The following GANC variants were observed in gnomAD, a reference collection of about 807,000 sequenced individuals.
GANC encodes neutral alpha-glucosidase C.
A neutral mutation model predicts 124.2 loss-of-function variants in GANC; 117 were observed. The ratio of observed to expected loss-of-function variants is 0.94; its 90% CI spans 0.81 to 1.10. GANC has a LOEUF of 1.10. GANC is among the 50% of genes least tolerant of loss of function. The probability of loss-of-function intolerance (pLI) is 0.00; values close to 1 mark genes in which losing one functional copy is unlikely to be tolerated. For missense variants in GANC, 1,140 were observed against 1,095.0 expected (o/e 1.04, Z -0.58); for synonymous variants, 377 against 376.8 (o/e 1.00, Z -0.01).
intron 22 of GANC, among the ~76,000 whole-genome samples, chr15:42,350,745 G>A (rs1034731718): frequency 1.7e-4 from 25 of 150,444 alleles, no homozygotes; most frequent in Non-Finnish European, 2.7e-4. Flanking sequence ...TAGTAGAGAC[G>A]GGGTTTCGTC....
chr15:42,278,452 A>T (rs375661685), intron 2 of GANC, 30 bp from the exon 3 acceptor site: 15 of 1,396,082 alleles, frequency 1.1e-5, no homozygotes, highest in Non-Finnish European at 1.4e-5. Flanking sequence ...ACAAATAATT[A>T]TCAAGCATCT....
At chr15:42,295,639 G>GAC (rs60220273) in intron 5 of GANC, among the ~76,000 whole-genome samples, 2,165 of 137,656 alleles carry the variant, frequency 0.016, 61 homozygotes, top group African/African-American at 0.053. Flanking sequence ...CTTTATTATA[G>GAC]ACACACACAC....
intron 15 of GANC, among the ~76,000 whole-genome samples, chr15:42,337,684 CAT>C (rs1446880593): frequency 6.6e-6 from 1 of 152,192 alleles, no homozygotes; most frequent in Non-Finnish European, 1.5e-5. Context: ...AGTTTACCAA[CAT>C]AACACACCTG....
chr15:42,342,693 G>T (rs923541505), intron 18 of GANC, among the ~76,000 whole-genome samples: 7 of 152,130 alleles, frequency 4.6e-5, no homozygotes, highest in African/African-American at 1.4e-4. Flanking sequence ...TAATAGTTGT[G>T]GGCTCCCCAT....
chr15:42,301,353 T>C (rs1037063769), intron 6 of GANC, among the ~76,000 whole-genome samples: 6 of 151,962 alleles, frequency 3.9e-5, no homozygotes, highest in African/African-American at 1.2e-4. Flanking sequence ...TCTCCCATGG[T>C]CTTGGTAACC....
chr15:42,347,661 T>C (rs1308243363), intron 20 of GANC, among the ~76,000 whole-genome samples: 2 of 152,202 alleles, frequency 1.3e-5, no homozygotes, highest in Non-Finnish European at 2.9e-5. Context: ...CCATCAGTTA[T>C]ACATACACAC....
At chr15:42,323,194 T>G (rs2052174650) in intron 11 of GANC, among the ~76,000 whole-genome samples, 1 of 152,204 alleles carries the variant, frequency 6.6e-6, no homozygotes, top group Non-Finnish European at 1.5e-5. Context: ...ACACAGTGAA[T>G]AAATAGCATG....
Position 42,278,472 on chromosome 15 carries a change from G to A in GANC, c.93-10G>A, listed in dbSNP as rs774380311. 46 of 1,564,940 alleles carry A rather than the reference G, an allele frequency of 2.9e-5. No homozygotes were observed. In the Middle Eastern group the frequency reaches 5.0e-4, roughly 17 times the overall value. On this transcript the variant is annotated splice_polypyrimidine_tract_variant and intron_variant, in intron 2 of 23. Transcript: ENST00000318010. ...TAATTATCAAGCATCTGCATACTCC[G>A]TATCTATAGGCGTCAGAAACAGTGG... is the stretch of plus-strand genomic sequence containing the variant.
rs764337885 is a variant in GANC, at chr15:42,348,137, C to A, written c.2339C>A (p.Pro780Gln). The part of the protein sequence containing the change: ...PVFQRGGSVI[P>Q]IKTTVGKSTG... ...TTTCAGCGAGGTGGAAGTGTGATAC[C>A]AATAAAGACAACTGTAGGAAAATCC... The change falls in exon 21 of 24, where the codon CCA becomes CAA. Residue 780 changes from proline to glutamine, a missense_variant. Pro to Gln is a moderately conservative substitution (Grantham distance 76). Coordinates refer to ENST00000318010, the MANE Select transcript of GANC (RefSeq NM_198141.3). 7 of 1,612,470 alleles carry A rather than the reference C, an allele frequency of 4.3e-6. No individual in the cohort carries two copies. Among genetic ancestry groups the A allele is most frequent in the South Asian group, 2.2e-5 (2 of 90,704 alleles).
intron 15 of GANC, among the ~76,000 whole-genome samples, chr15:42,334,162 A>C (rs919580275): frequency 1.4e-5 from 1 of 71,198 alleles, no homozygotes. Context: ...CATAGAATAA[A>C]ATCTTTTTTT....
At chr15:42,314,853 A>G (rs1192853323) in intron 10 of GANC, 3 of 152,234 alleles carry the variant, frequency 2.0e-5, no homozygotes, top group Non-Finnish European at 2.9e-5. Context: ...GGAAAATATT[A>G]TGTTTAATTT....
chr15:42,301,030 AAGAAAG>A (rs2051940898), intron 6 of GANC, among the ~76,000 whole-genome samples: 1 of 149,264 alleles, frequency 6.7e-6, no homozygotes, highest in Non-Finnish European at 1.5e-5. Flanking sequence ...AAAAAAAAAA[AAGAAAG>A]AAAGAAAGAA....
intron 4 of GANC, 115 bp from the exon 5 acceptor site, chr15:42,292,620 C>T (rs2051850563): frequency 2.0e-6 from 2 of 1,022,298 alleles, no homozygotes; most frequent in South Asian, 3.5e-5. Context: ...GTTGCCTTAT[C>T]TATGGCTATG....
At chr15:42,351,254 G>A in intron 22 of GANC, 75 bp from the exon 23 acceptor site, 1 of 968,232 alleles carries the variant, frequency 1.0e-6, no homozygotes, top group South Asian at 1.3e-5. Flanking sequence ...GAACTCACAA[G>A]GCTGGAGATG....
Position 42,274,163 on chromosome 15 carries a change from T to A in GANC, c.-319T>A. ...TTCTTAACGCTCTTGATTTTTACCC[T>A]CTAGGACTCATTGCGTACACGCCCT... On this transcript the variant is annotated 5_prime_UTR_variant, in exon 1 of 24. Coordinates refer to ENST00000318010, the MANE Select transcript of GANC (RefSeq NM_198141.3). 2.7e-6 allele frequency: 1 copy of A among 370,408 alleles called. No homozygotes were observed. Among genetic ancestry groups the A allele is most frequent in the Non-Finnish European group, 5.0e-6 (1 of 201,272 alleles). 22.9% of individuals were successfully genotyped at this position (370,408 alleles called of 1,614,324 possible). A position where few individuals can be genotyped will look rare whatever the true frequency, so the allele number is the denominator to read the frequency against.
At chr15:42,347,779 A>C (rs2052378653) in intron 20 of GANC, among the ~76,000 whole-genome samples, 1 of 152,206 alleles carries the variant, frequency 6.6e-6, no homozygotes, top group African/African-American at 2.4e-5. Context: ...TTAAAATACA[A>C]AATAGGAAAA....
intron 21 of GANC, among the ~76,000 whole-genome samples, chr15:42,348,800 T>C (rs561345023): frequency 4.6e-5 from 7 of 152,358 alleles, no homozygotes; most frequent in African/African-American, 1.4e-4. Context: ...TGCATTGATA[T>C]CAATATTATA....
intron 19 of GANC, 42 bp from the exon 20 acceptor site, chr15:42,345,716 T>C: frequency 8.3e-7 from 1 of 1,210,264 alleles, no homozygotes; most frequent in Non-Finnish European, 1.2e-6. Flanking sequence ...GTGAGCAGAG[T>C]TGCTTATGTA....
At chr15:42,325,903 G>A (rs2052194909) in intron 11 of GANC, among the ~76,000 whole-genome samples, 1 of 152,074 alleles carries the variant, frequency 6.6e-6, no homozygotes, top group Non-Finnish European at 1.5e-5. Context: ...ACCACAGGTG[G>A]ACACCACCAC....
Sources: gnomAD v4.1 joint callset for allele counts (sites outside exome capture counted in the v4.1 genomes callset) on GRCh38, gnomAD v4.1.1 for gene constraint, MANE v1.5 for transcripts, NCBI Gene and HGNC (gene_info 2026-07-23, HGNC 2026-07-21) for gene names.